The following SPIDR variants were observed in gnomAD, a reference collection of about 807,000 sequenced individuals.
The protein encoded by SPIDR is scaffold protein involved in DNA repair, also known as DNA repair-scaffolding protein.
Under a neutral mutation model 104.6 loss-of-function variants are expected in SPIDR, and 93 were observed. The ratio of observed to expected loss-of-function variants is 0.89; its 90% CI spans 0.75 to 1.06. SPIDR has a LOEUF of 1.06. SPIDR is among the 50% of genes least tolerant of loss of function. The pLI is 0.00. For missense variants in SPIDR, 1,154 were observed against 1,111.2 expected (o/e 1.04, Z -0.55); for synonymous variants, 431 against 416.9 (o/e 1.03, Z -0.41).
rs189267852 is a variant in SPIDR at position 47,596,571 on chromosome 8, G to A, written c.1293+565G>A. ...TAGAACTGGAAGTTGCTCTCGATGA[G>A]TCAGTGAGTGAGTGGGGAGTGAATG... On this transcript the variant is annotated intron_variant, in intron 9 of 19. Transcript: ENST00000297423. 2.4e-4 allele frequency among the ~76,000 whole-genome samples: 36 copies of A among 152,334 alleles called. 1 individual carries two copies. The highest frequency in any genetic ancestry group is 6.5e-5 in the Admixed American group (1 of 15,306).
chr8:47,635,339 C>CA (rs1487650664), intron 10 of SPIDR, among the ~76,000 whole-genome samples: 1 of 151,662 alleles, frequency 6.6e-6, no homozygotes, highest in Non-Finnish European at 1.5e-5. Context: ...GTGACTGTCT[C>CA]AAAAAAATAA....
intron 8 of SPIDR, among the ~76,000 whole-genome samples, chr8:47,553,401 C>G (rs1402939473): frequency 2.0e-5 from 3 of 152,200 alleles, no homozygotes; most frequent in African/African-American, 7.2e-5. Flanking sequence ...TAGATTTGGT[C>G]TTTTCACATA....
chr8:47,688,781 C>G (rs1189764972), intron 11 of SPIDR, among the ~76,000 whole-genome samples: 1 of 152,224 alleles, frequency 6.6e-6, no homozygotes, highest in South Asian at 2.1e-4. Context: ...AGTTCAGCCT[C>G]CATTTCTGTT....
chr8:47,524,169 G>T (rs1382094039), intron 8 of SPIDR, among the ~76,000 whole-genome samples: 3 of 152,152 alleles, frequency 2.0e-5, no homozygotes, highest in Non-Finnish European at 4.4e-5. Flanking sequence ...TTGTTTATCT[G>T]AAATTTACAT....
chr8:47,635,502 T>C (rs906730853), intron 10 of SPIDR, among the ~76,000 whole-genome samples: 1 of 152,180 alleles, frequency 6.6e-6, no homozygotes, highest in South Asian at 2.1e-4. Context: ...ACGTACTATG[T>C]ACCCTCAAAA....
rs535508764 is a variant in SPIDR, at chr8:47,380,177, T to A, written c.526-16199T>A. Among the ~76,000 whole-genome samples the A allele has an allele frequency of 3.9e-5, 6 of 152,130 alleles. No homozygotes were observed. In the South Asian group the frequency reaches 1.0e-3, roughly 26 times the overall value. On this transcript the variant is annotated intron_variant, in intron 5 of 19. Coordinates refer to ENST00000297423, the MANE Select transcript of SPIDR (RefSeq NM_001080394.4). ...GGTTTTGAGTGTAGGTCTGAGTCGATGACCTCTCAGCCTGCACCACAGCAA... is the reference window on the plus strand; with the variant it reads ...GGTTTTGAGTGTAGGTCTGAGTCGAAGACCTCTCAGCCTGCACCACAGCAA...
intron 2 of SPIDR, among the ~76,000 whole-genome samples, chr8:47,283,555 T>C (rs1298318394): frequency 6.6e-6 from 1 of 152,204 alleles, no homozygotes; most frequent in African/African-American, 2.4e-5. Context: ...ACAGAATTGC[T>C]TGACACAGGA....
At chr8:47,588,076 T>TAC (rs2060502145) in intron 8 of SPIDR, among the ~76,000 whole-genome samples, 1 of 95,434 alleles carries the variant, frequency 1.0e-5, no homozygotes, top group African/African-American at 5.1e-5. Context: ...TATATATATA[T>TAC]ATATATATAT....
chr8:47,288,821 C>A (rs892019983), intron 3 of SPIDR, among the ~76,000 whole-genome samples: 6 of 152,234 alleles, frequency 3.9e-5, no homozygotes, highest in Non-Finnish European at 7.4e-5. Context: ...TGTTTTTGTG[C>A]CTTTGTAAGT....
intron 5 of SPIDR, among the ~76,000 whole-genome samples, chr8:47,356,637 G>T (rs79219802): frequency 0.02 from 3,010 of 152,268 alleles, 242 homozygotes; most frequent in Admixed American, 0.14. Context: ...TGTCCCATGG[G>T]TTGACTATGT....
At chr8:47,506,894 C>G (rs943043634) in intron 8 of SPIDR, among the ~76,000 whole-genome samples, 1 of 152,198 alleles carries the variant, frequency 6.6e-6, no homozygotes, top group Non-Finnish European at 1.5e-5. Context: ...CAAGTTGACA[C>G]TCCACTGTGT....
At chr8:47,634,206 G>C (rs2067525619) in intron 10 of SPIDR, among the ~76,000 whole-genome samples, 16 of 151,852 alleles carry the variant, frequency 1.1e-4, no homozygotes, top group Admixed American at 1.0e-3. Flanking sequence ...TGTAATCCCA[G>C]CACTTTGGGA....
At chr8:47,503,674 T>A (rs1281413892) in intron 8 of SPIDR, among the ~76,000 whole-genome samples, 15 of 152,306 alleles carry the variant, frequency 9.8e-5, no homozygotes, top group African/African-American at 3.4e-4. Flanking sequence ...TGATCCTGTC[T>A]TTATGATGTT....
chr8:47,463,898 A>G (rs900293586), intron 8 of SPIDR, among the ~76,000 whole-genome samples: 1 of 152,192 alleles, frequency 6.6e-6, no homozygotes, highest in Non-Finnish European at 1.5e-5. Context: ...ACCCATAGCT[A>G]ACATACCAAA....
chr8:47,293,351 C>T (rs1248735404), intron 4 of SPIDR, among the ~76,000 whole-genome samples: 1 of 152,154 alleles, frequency 6.6e-6, no homozygotes, highest in African/African-American at 2.4e-5. Context: ...TACAAAGATA[C>T]AGAAACACCT....
At chr8:47,678,557 A>G (rs1422581957) in intron 11 of SPIDR, among the ~76,000 whole-genome samples, 1 of 152,208 alleles carries the variant, frequency 6.6e-6, no homozygotes, top group South Asian at 2.1e-4. Context: ...CCACCTAGCA[A>G]GCACCCACAC....
At chr8:47,553,345 A>G (rs1217324176) in intron 8 of SPIDR, among the ~76,000 whole-genome samples, 2 of 152,184 alleles carry the variant, frequency 1.3e-5, no homozygotes, top group Non-Finnish European at 2.9e-5. Flanking sequence ...GTGTTTTCCA[A>G]CTTGGTTCCA....
intron 7 of SPIDR, among the ~76,000 whole-genome samples, chr8:47,432,773 A>G (rs935006991): frequency 1.3e-5 from 2 of 152,210 alleles, no homozygotes; most frequent in Admixed American, 6.5e-5. Context: ...AGGCTAGAGC[A>G]GTAAGAAGTA....
chr8:47,470,936 G>A (rs995059649), intron 8 of SPIDR, among the ~76,000 whole-genome samples: 30 of 152,146 alleles, frequency 2.0e-4, no homozygotes, highest in African/African-American at 3.9e-4. Context: ...GGGTTTCACC[G>A]TGTTAGCCAG....
Sources: gnomAD v4.1 joint callset for allele counts (sites outside exome capture counted in the v4.1 genomes callset) on GRCh38, gnomAD v4.1.1 for gene constraint, MANE v1.5 for transcripts, NCBI Gene and HGNC (gene_info 2026-07-23, HGNC 2026-07-21) for gene names.